LRP1B: variants seen among roughly 807,000 people sequenced by gnomAD.
LRP1B encodes the protein low-density lipoprotein receptor-related protein 1B.
LRP1B carries 217 observed loss-of-function variants against 556.6 expected under a neutral mutation model. That is an observed-to-expected ratio of 0.39 (90% CI 0.35 to 0.44). LRP1B has a LOEUF of 0.44. Among genes scored for constraint, LRP1B ranks in the 20% least tolerant of loss-of-function variants. The pLI is 1.00. For missense variants in LRP1B, 5,053 were observed against 5,620.8 expected, an observed-to-expected ratio of 0.90 and a Z score of 3.23; for synonymous variants, 2,047 against 1,865.8, an observed-to-expected ratio of 1.10 and a Z score of -2.50.
chr2:140,646,753 T>G (rs965589444), intron 41 of LRP1B, among the ~76,000 whole-genome samples: 2 of 152,050 alleles, frequency 1.3e-5, no homozygotes, highest in African/African-American at 2.4e-5. Context: ...AAAATGAAAG[T>G]TTTCAGCATC....
intron 66 of LRP1B, among the ~76,000 whole-genome samples, chr2:140,421,470 T>C (rs941457694): frequency 6.6e-6 from 1 of 152,168 alleles, no homozygotes; most frequent in Non-Finnish European, 1.5e-5. Flanking sequence ...TCTTGCCGAC[T>C]CTAATTATGT....
At chr2:140,742,803 A>G (rs1229025690) in intron 35 of LRP1B, among the ~76,000 whole-genome samples, 1 of 152,124 alleles carries the variant, frequency 6.6e-6, no homozygotes, top group Non-Finnish European at 1.5e-5. Flanking sequence ...GTTATTAAGT[A>G]TGAACTTTAT....
At chr2:141,676,890 A>G (rs1690903955) in intron 2 of LRP1B, among the ~76,000 whole-genome samples, 1 of 152,204 alleles carries the variant, frequency 6.6e-6, no homozygotes, top group African/African-American at 2.4e-5. Context: ...AGTGCCAACT[A>G]TGGGCCAAGC....
intron 2 of LRP1B, among the ~76,000 whole-genome samples, chr2:141,654,192 GA>G (rs558118305): frequency 6.6e-6 from 1 of 152,290 alleles, no homozygotes; most frequent in East Asian, 1.9e-4. Flanking sequence ...TTGCAAAGGA[GA>G]AAAGGTAAAT....
At chr2:140,252,062 CAAAAAAAAAAAAAAAAAA>C in intron 86 of LRP1B, among the ~76,000 whole-genome samples, 4 of 18,558 alleles carry the variant, frequency 2.2e-4, no homozygotes, top group Non-Finnish European at 3.3e-4. Context: ...TGACAAGATG[CAAAAAAAAAAAAAAAAAA>C]AAAAAAAAAC....
rs866937366 is a variant in LRP1B at position 141,015,861 on chromosome 2, C to T, written c.2025G>A (p.Arg675=). 1 of 1,613,636 alleles carries T rather than the reference C, an allele frequency of 6.2e-7. No individual in the cohort carries two copies. ...ATCCATCCATCCAGGCCTTCTCAAT[C>T]CTTCCCACGCTGTCATCTATTTCAT... ...EEDEIDDSVG[R]IEKAWMDGFN... The change falls in exon 13 of 91, where the codon AGG becomes AGA. Residue 675 remains arginine (R), a synonymous_variant. Transcript: ENST00000389484.
intron 1 of LRP1B, among the ~76,000 whole-genome samples, chr2:141,984,389 G>C (rs1437912879): frequency 1.3e-5 from 2 of 149,850 alleles, no homozygotes; most frequent in African/African-American, 4.9e-5. Flanking sequence ...ATGTGTTTAA[G>C]AGTTTGACAG....
At chr2:141,733,641 A>C (rs7598734) in intron 2 of LRP1B, among the ~76,000 whole-genome samples, 2 of 152,100 alleles carry the variant, frequency 1.3e-5, no homozygotes, top group Non-Finnish European at 2.9e-5. Flanking sequence ...TTACGTTTTC[A>C]GTTTTATCTA....
At chr2:142,128,638 T>TTAAA (rs1183695095) in intron 1 of LRP1B, among the ~76,000 whole-genome samples, 1 of 152,206 alleles carries the variant, frequency 6.6e-6, no homozygotes. Flanking sequence ...TGAAAGTGTG[T>TTAAA]TAAATATATA....
At chr2:140,907,273 T>A (rs757309976) in intron 22 of LRP1B, among the ~76,000 whole-genome samples, 1 of 152,120 alleles carries the variant, frequency 6.6e-6, no homozygotes, top group Admixed American at 6.6e-5. Flanking sequence ...AATTTTCTTT[T>A]GTATGTGCTG....
intron 56 of LRP1B, 148 bp from the exon 57 acceptor site, chr2:140,492,841 C>T (rs1032174766): frequency 7.9e-5 from 45 of 571,130 alleles, no homozygotes; most frequent in East Asian, 3.5e-4. Flanking sequence ...TACTGAGCAA[C>T]GTAGTTGGCA....
chr2:141,265,238 C>T lies in LRP1B; in HGVS notation c.344-10597G>A, dbSNP rs1204456822. On this transcript the variant is annotated intron_variant, in intron 3 of 90. Transcript: ENST00000389484. ...CAGCGGCTGCAGAGGTGGAAGGACACACACCCAGGGTGCCCTCTATGTTGC... is the reference window on the plus strand; with the variant it reads ...CAGCGGCTGCAGAGGTGGAAGGACATACACCCAGGGTGCCCTCTATGTTGC... 2.0e-5 allele frequency among the ~76,000 whole-genome samples: 3 copies of T among 152,182 alleles called. No homozygotes were observed. The East Asian group carries it at 5.8e-4, about 29-fold the overall frequency.
chr2:141,956,722 T>C (rs1309552319), intron 1 of LRP1B, among the ~76,000 whole-genome samples: 1 of 152,160 alleles, frequency 6.6e-6, no homozygotes, highest in Non-Finnish European at 1.5e-5. Flanking sequence ...AATTCAACTT[T>C]ATGTCCCTCA....
intron 3 of LRP1B, among the ~76,000 whole-genome samples, chr2:141,357,341 T>C (rs1329679245): frequency 6.6e-6 from 1 of 152,176 alleles, no homozygotes; most frequent in South Asian, 2.1e-4. Context: ...TGAAGGTTTT[T>C]CCATCATAAT....
At chr2:141,855,576 G>T in intron 1 of LRP1B, among the ~76,000 whole-genome samples, 1 of 152,086 alleles carries the variant, frequency 6.6e-6, no homozygotes. Flanking sequence ...CAGATATTTT[G>T]TGATGTGAAC....
intron 3 of LRP1B, among the ~76,000 whole-genome samples, chr2:141,393,055 C>T (rs1690112975): frequency 6.6e-6 from 1 of 152,092 alleles, no homozygotes; most frequent in South Asian, 2.1e-4. Context: ...CAGCATAGTA[C>T]CTTTCAAGGA....
intron 7 of LRP1B, among the ~76,000 whole-genome samples, chr2:141,097,655 T>C (rs1268192997): frequency 1.3e-5 from 2 of 152,188 alleles, no homozygotes; most frequent in East Asian, 3.9e-4. Context: ...TTTAACATTG[T>C]TAAAAATTAG....
chr2:141,052,105 A>C (rs1041924001), intron 10 of LRP1B, among the ~76,000 whole-genome samples: 1 of 152,028 alleles, frequency 6.6e-6, no homozygotes, highest in Non-Finnish European at 1.5e-5. Context: ...TACTGAGATA[A>C]GCATAATTTT....
intron 27 of LRP1B, among the ~76,000 whole-genome samples, chr2:140,854,338 C>T (rs1296747297): frequency 1.3e-5 from 2 of 151,996 alleles, no homozygotes; most frequent in Non-Finnish European, 1.5e-5. Flanking sequence ...TTTCTATGTA[C>T]ATACTAAAAT....
Sources: allele counts gnomAD v4.1 joint callset (sites outside exome capture counted in the v4.1 genomes callset), GRCh38; gene constraint gnomAD v4.1.1; transcripts MANE v1.5; gene names NCBI Gene and HGNC (gene_info 2026-07-23, HGNC 2026-07-21).